Variants in SGCD observed in about 807,000 individuals in gnomAD.
SGCD encodes the protein delta-sarcoglycan.
A neutral mutation model predicts 36.6 loss-of-function variants in SGCD; 18 were observed. The observed-to-expected ratio is 0.49, with a 90% CI of 0.34 to 0.73. SGCD has a LOEUF of 0.73. Ranked by LOEUF, SGCD falls within the 30% of genes least tolerant of loss-of-function variation. The pLI is 0.01. For missense variants in SGCD, 387 were observed against 346.7 expected, an observed-to-expected ratio of 1.12 and a Z score of -0.92; for synonymous variants, 133 against 130.6, an observed-to-expected ratio of 1.02 and a Z score of -0.12.
intron 7 of SGCD, among the ~76,000 whole-genome samples, chr5:156,707,969 T>C (rs1754814198): frequency 6.6e-6 from 1 of 152,176 alleles, no homozygotes; most frequent in Non-Finnish European, 1.5e-5. Context: ...AGGATAATTT[T>C]AGGTTGTATA....
the SGCD span, among the ~76,000 whole-genome samples, chr5:155,748,785 T>C: frequency 2.0e-5 from 3 of 152,212 alleles, no homozygotes; most frequent in African/African-American, 7.2e-5. Context: ...AAAGATGTGC[T>C]ATACTTCCTG....
intron 3 of SGCD, among the ~76,000 whole-genome samples, chr5:156,416,196 A>G (rs950581881): frequency 6.6e-6 from 1 of 152,256 alleles, no homozygotes; most frequent in African/African-American, 2.4e-5. Flanking sequence ...GTAAAAAGGA[A>G]TAAAATAATG....
chr5:156,252,782 T>A (rs1354510048), intron 3 of SGCD, among the ~76,000 whole-genome samples: 2 of 152,190 alleles, frequency 1.3e-5, no homozygotes, highest in African/African-American at 2.4e-5. Context: ...GATTACATAA[T>A]ATATAGTAAA....
chr5:155,941,815 A>G (rs1261835858), intron 1 of SGCD, among the ~76,000 whole-genome samples: 3 of 152,176 alleles, frequency 2.0e-5, no homozygotes, highest in Non-Finnish European at 4.4e-5. Context: ...AAGCTATACT[A>G]TAGGAGGTGA....
chr5:155,916,025 C>A (rs1054101280), intron 1 of SGCD, among the ~76,000 whole-genome samples: 2 of 152,178 alleles, frequency 1.3e-5, no homozygotes, highest in African/African-American at 4.8e-5. Flanking sequence ...TAATTATCTT[C>A]ACTTAAGCAG....
At chr5:156,353,264 CTTTAAA>C (rs779596978) in intron 3 of SGCD, among the ~76,000 whole-genome samples, 2 of 152,086 alleles carry the variant, frequency 1.3e-5, no homozygotes, top group Non-Finnish European at 2.9e-5. Context: ...TAGGCAGTCA[CTTTAAA>C]TTAAAATGTA....
intron 7 of SGCD, among the ~76,000 whole-genome samples, chr5:156,752,750 A>G (rs1278304214): frequency 6.6e-6 from 1 of 152,254 alleles, no homozygotes; most frequent in Non-Finnish European, 1.5e-5. Flanking sequence ...GTCTATTCAT[A>G]AAATTTAATA....
chr5:156,693,395 G>A (rs1425433437), intron 7 of SGCD, among the ~76,000 whole-genome samples: 1 of 152,146 alleles, frequency 6.6e-6, no homozygotes, highest in Non-Finnish European at 1.5e-5. Context: ...AAGGAGACCA[G>A]TGCCTCCTTC....
chr5:156,412,961 A>T (rs1772849117), intron 3 of SGCD, among the ~76,000 whole-genome samples: 1 of 151,104 alleles, frequency 6.6e-6, no homozygotes, highest in Admixed American at 6.6e-5. Flanking sequence ...GCGCCCAGCT[A>T]ATTTTTTTTG....
intron 7 of SGCD, among the ~76,000 whole-genome samples, chr5:156,749,758 A>T (rs1255818567): frequency 2.0e-5 from 3 of 152,178 alleles, no homozygotes; most frequent in Non-Finnish European, 4.4e-5. Flanking sequence ...CAAAACCTCT[A>T]TGAGGCTGTA....
At chr5:155,921,328 A>G (rs1756873843) in intron 1 of SGCD, among the ~76,000 whole-genome samples, 1 of 152,168 alleles carries the variant, frequency 6.6e-6, no homozygotes, top group Non-Finnish European at 1.5e-5. Context: ...ACACAAAATG[A>G]CCAAATAGGA....
chr5:156,628,481 C>T (rs112375809), intron 6 of SGCD, among the ~76,000 whole-genome samples: 67 of 152,176 alleles, frequency 4.4e-4, no homozygotes, highest in African/African-American at 1.5e-3. Flanking sequence ...TACAGGAGTC[C>T]AAATATTTAT....
At chr5:156,518,493 A>G (rs1198336302) in intron 4 of SGCD, among the ~76,000 whole-genome samples, 2 of 152,208 alleles carry the variant, frequency 1.3e-5, no homozygotes, top group Non-Finnish European at 2.9e-5. Flanking sequence ...TGGGCCTGAT[A>G]GATATCTCCA....
intron 3 of SGCD, among the ~76,000 whole-genome samples, chr5:156,268,627 T>A (rs900644467): frequency 9.2e-5 from 14 of 152,074 alleles, no homozygotes; most frequent in Admixed American, 7.9e-4. Flanking sequence ...AGTTTCTCTC[T>A]TGTTGCCGAG....
chr5:156,172,118 A>G (rs1219779073), intron 3 of SGCD, among the ~76,000 whole-genome samples: 1 of 152,116 alleles, frequency 6.6e-6, no homozygotes, highest in East Asian at 1.9e-4. Context: ...TCCTGTCTCT[A>G]CTAAAAATAC....
upstream of SGCD, among the ~76,000 whole-genome samples, chr5:155,866,164 A>G (rs556955508): frequency 6.6e-6 from 1 of 152,284 alleles, no homozygotes; most frequent in South Asian, 2.1e-4. Flanking sequence ...TCAGGATTTA[A>G]TATGATTAAT....
At chr5:156,008,426 A>G (rs1758795114) in intron 1 of SGCD, among the ~76,000 whole-genome samples, 1 of 151,982 alleles carries the variant, frequency 6.6e-6, no homozygotes, top group African/African-American at 2.4e-5. Context: ...TTCAGGCTGG[A>G]GTGCAGTAGC....
intron 3 of SGCD, among the ~76,000 whole-genome samples, chr5:156,239,042 AT>A (rs1179860349): frequency 3.3e-5 from 5 of 151,990 alleles, no homozygotes. Context: ...GGCCTCATTC[AT>A]TTTGGAACCA....
intron 3 of SGCD, among the ~76,000 whole-genome samples, chr5:156,293,163 C>A (rs1214180854): frequency 6.6e-6 from 1 of 151,998 alleles, no homozygotes; most frequent in Non-Finnish European, 1.5e-5. Flanking sequence ...CAACCTCAAA[C>A]TTCAAGGCTC....
Sources: allele counts gnomAD v4.1 joint callset (sites outside exome capture counted in the v4.1 genomes callset), GRCh38; gene constraint gnomAD v4.1.1; transcripts MANE v1.5; gene names NCBI Gene and HGNC (gene_info 2026-07-23, HGNC 2026-07-21).